The following SECISBP2L variants were observed in gnomAD, a reference collection of about 807,000 sequenced individuals.
SECISBP2L encodes selenocysteine insertion sequence-binding protein 2-like.
In SECISBP2L, 43 loss-of-function variants were observed where a neutral mutation model predicts 114.7. The ratio of observed to expected loss-of-function variants is 0.38; its 90% CI spans 0.29 to 0.48. SECISBP2L has a LOEUF of 0.48. Ranked by LOEUF, SECISBP2L falls within the 20% of genes least tolerant of loss-of-function variation. The probability of loss-of-function intolerance (pLI) is 0.98; values close to 1 mark genes in which losing one functional copy is unlikely to be tolerated. For synonymous variants in SECISBP2L, 451 were observed against 439.7 expected, an observed-to-expected ratio of 1.03 and a Z score of -0.32; for missense variants, 1,136 against 1,301.1, an observed-to-expected ratio of 0.87 and a Z score of 1.95.
At chr15:49,040,580 G>A (rs1903105544) in intron 1 of SECISBP2L, among the ~76,000 whole-genome samples, 1 of 119,100 alleles carries the variant, frequency 8.4e-6, no homozygotes, top group African/African-American at 3.0e-5. Flanking sequence ...CTGTGGCCCA[G>A]GCGGGAGTGC....
In SECISBP2L at chr15:49,031,043, T is replaced by TC. The variant is rs1250066191; in HGVS notation, c.664+1921_664+1922insG. ...AATAAAGACTTATCATTTTCTTTTTTTTTTTTTTTTTTTTTTTCCCTTTTG... is the reference window on the plus strand; with the variant it reads ...AATAAAGACTTATCATTTTCTTTTTTCTTTTTTTTTTTTTTTTTCCCTTTTG... On this transcript the variant is annotated intron_variant, in intron 4 of 17. Transcript: ENST00000559471. Among the ~76,000 whole-genome samples the TC allele has an allele frequency of 2.4e-4, 29 of 122,150 alleles. 1 individual carries two copies. The East Asian group carries it at 6.3e-3, about 27-fold the overall frequency. 80.1% of individuals were successfully genotyped at this position (122,150 alleles called of 152,430 possible). A position where few individuals can be genotyped will look rare whatever the true frequency, so the allele number is the denominator to read the frequency against.
Position 49,019,562 on chromosome 15 carries a change from C to T in SECISBP2L, c.1036-10G>A. ...GGCATCTGAATCCAACCTAAGTAAA[C>T]CCCAGAGGGGAAAAAAAATCTAATT... On this transcript the variant is annotated splice_polypyrimidine_tract_variant and intron_variant, in intron 7 of 17. Coordinates refer to ENST00000559471, the MANE Select transcript of SECISBP2L (RefSeq NM_001193489.2). 1 of 1,445,164 alleles carries T rather than the reference C, an allele frequency of 6.9e-7. No homozygotes were observed. The highest frequency in any genetic ancestry group is 9.0e-7 in the Non-Finnish European group (1 of 1,111,764). The allele number at this position is 1,445,164 out of a possible 1,614,324, so 89.5% of individuals were successfully genotyped here.
In SECISBP2L at chr15:48,992,098, C is replaced by T. The variant is rs918176937; in HGVS notation, c.*146G>A. 1 of 717,190 alleles carries T rather than the reference C, an allele frequency of 1.4e-6. No individual in the cohort carries two copies. Among genetic ancestry groups the T allele is most frequent in the East Asian group, 2.7e-5 (1 of 36,610 alleles). 44.4% of individuals were successfully genotyped at this position (717,190 alleles called of 1,614,324 possible). ...ACTAATTAAAAGCTAAGCTACAGAT[C>T]ATAACAAGTAAAAGCTACAAAAATA... On this transcript the variant is annotated 3_prime_UTR_variant, in exon 18 of 18. Transcript: ENST00000559471.
At chr15:49,025,323 T>C (rs532427805) in intron 7 of SECISBP2L, among the ~76,000 whole-genome samples, 13 of 152,250 alleles carry the variant, frequency 8.5e-5, no homozygotes, top group African/African-American at 3.1e-4. Flanking sequence ...ACCAGAAGTG[T>C]TTTGAATTTC....
At chr15:49,040,714 AT>A (rs1039780739) in intron 1 of SECISBP2L, among the ~76,000 whole-genome samples, 3 of 149,422 alleles carry the variant, frequency 2.0e-5, no homozygotes, top group African/African-American at 7.4e-5. Flanking sequence ...TTTTTTTTGA[AT>A]TTTTAGTAGA....
rs1902550860 is a variant in SECISBP2L at position 49,017,032 on chromosome 15, AAAC to A, written c.1252-20_1252-18del. On this transcript the variant is annotated intron_variant, in intron 9 of 17. Transcript: ENST00000559471. ...ATCATCCAACTATGATAACCAGAAA[AAAC>A]ACATTTGTTAGTGATCCCATAAAAG... 2 of 1,606,684 alleles carry A rather than the reference AAAC, an allele frequency of 1.2e-6. No individual in the cohort carries two copies. Among genetic ancestry groups the A allele is most frequent in the Admixed American group, 3.4e-5 (2 of 58,310 alleles).
chr15:49,041,940 C>G (rs1245015194), intron 1 of SECISBP2L, among the ~76,000 whole-genome samples: 1 of 152,154 alleles, frequency 6.6e-6, no homozygotes, highest in Non-Finnish European at 1.5e-5. Context: ...ACAGTACTTA[C>G]ACGTGTAAGT....
Position 49,011,773 on chromosome 15 carries a change from C to A in SECISBP2L, c.1822G>T (p.Asp608Tyr). The A allele has an allele frequency of 2.5e-6, 4 of 1,614,084 alleles. No individual in the cohort carries two copies. The highest frequency in any genetic ancestry group is 3.4e-6 in the Non-Finnish European group (4 of 1,179,972). ...GSEEPTEMHL[D>Y]FIDDLPQEIV... ...TCCTGTGGCAAGTCATCAATAAAAT[C>A]TAAGTGCATTTCTGTTGGTTCCTCG... Residue 608 changes from aspartate to tyrosine, a missense_variant, in exon 13 of 18, where the codon GAT becomes TAT. This residue lies in a region of SECISBP2L where 684 missense variants were observed against 848.7 expected (regional missense o/e 0.81). Coordinates refer to ENST00000559471, the MANE Select transcript of SECISBP2L (RefSeq NM_001193489.2).
At chr15:49,039,511 T>C (rs1903077063) in intron 1 of SECISBP2L, among the ~76,000 whole-genome samples, 1 of 151,642 alleles carries the variant, frequency 6.6e-6, no homozygotes, top group Middle Eastern at 3.2e-3. Flanking sequence ...ATTTTTAGGA[T>C]TTCTTTTTTT....
intron 1 of SECISBP2L, among the ~76,000 whole-genome samples, chr15:49,041,337 G>A (rs1044674867): frequency 1.3e-5 from 2 of 152,046 alleles, no homozygotes; most frequent in Non-Finnish European, 2.9e-5. Flanking sequence ...GTACATTAAG[G>A]CAAATGTCTA....
intron 8 of SECISBP2L, among the ~76,000 whole-genome samples, chr15:49,018,835 T>G (rs943093688): frequency 1.3e-5 from 2 of 152,182 alleles, no homozygotes. Context: ...GGTGTGTATA[T>G]GCCTATGTTC....
intron 7 of SECISBP2L, among the ~76,000 whole-genome samples, chr15:49,021,106 T>C (rs1481980936): frequency 6.6e-6 from 1 of 152,024 alleles, no homozygotes; most frequent in Non-Finnish European, 1.5e-5. Flanking sequence ...CAAATGGGAT[T>C]AGTGACCTCA....
At chr15:49,001,130 C>G in intron 14 of SECISBP2L, 33 bp from the exon 15 acceptor site, 3 of 1,455,014 alleles carry the variant, frequency 2.1e-6, no homozygotes, top group Non-Finnish European at 2.8e-6. Flanking sequence ...GTAACTCCAT[C>G]CTAATTTTTT....
rs543647496 is a variant in SECISBP2L, at chr15:49,026,117, C to T, written c.1035+1248G>A. On this transcript the variant is annotated intron_variant, in intron 7 of 17. Coordinates refer to ENST00000559471, the MANE Select transcript of SECISBP2L (RefSeq NM_001193489.2). ...AGGACAATATGTTAAGTGAAATAAG[C>T]AAGGCACAGAAAGATAAATAACACA... Among the ~76,000 whole-genome samples, 112 of 152,206 alleles carry T rather than the reference C, an allele frequency of 7.4e-4. 1 individual carries two copies. Among genetic ancestry groups the T allele is most frequent in the Non-Finnish European group, 1.4e-3 (92 of 68,002 alleles).
At chr15:49,023,445 G>C (rs1902682590) in intron 7 of SECISBP2L, among the ~76,000 whole-genome samples, 1 of 152,144 alleles carries the variant, frequency 6.6e-6, no homozygotes, top group African/African-American at 2.4e-5. Flanking sequence ...TATGAAACTA[G>C]GCACTTTCCA....
intron 14 of SECISBP2L, among the ~76,000 whole-genome samples, chr15:49,004,681 C>T (rs1024408819): frequency 3.3e-5 from 5 of 152,186 alleles, no homozygotes; most frequent in Non-Finnish European, 5.9e-5. Context: ...GCCTTAATTT[C>T]GTTATTTACC....
intron 11 of SECISBP2L, 166 bp from the exon 12 acceptor site, chr15:49,012,983 T>C (rs2141069750): frequency 1.6e-6 from 1 of 636,820 alleles, no homozygotes; most frequent in Non-Finnish European, 2.7e-6. Flanking sequence ...GATACAGCTT[T>C]TACCTATCCT....
chr15:49,037,796 A>G (rs1431141226), intron 1 of SECISBP2L, 27 bp from the exon 2 acceptor site: 7 of 1,559,874 alleles, frequency 4.5e-6, no homozygotes, highest in African/African-American at 1.4e-5. Flanking sequence ...GAATACATTA[A>G]TAACAAATGA....
intron 1 of SECISBP2L, among the ~76,000 whole-genome samples, chr15:49,044,164 A>T (rs1482613743): frequency 6.6e-6 from 1 of 152,268 alleles, no homozygotes; most frequent in East Asian, 1.9e-4. Flanking sequence ...GTCTAAAGGG[A>T]AAAAAACATT....
Sources: allele counts gnomAD v4.1 joint callset (sites outside exome capture counted in the v4.1 genomes callset), GRCh38; gene constraint gnomAD v4.1.1; regional missense constraint gnomAD v4.1.1; transcripts MANE v1.5; gene names NCBI Gene and HGNC (gene_info 2026-07-23, HGNC 2026-07-21).